MTUS1: variants seen among roughly 807,000 people sequenced by gnomAD.
MTUS1 encodes microtubule-associated tumor suppressor 1.
MTUS1 carries 109 observed loss-of-function variants against 120.8 expected under a neutral mutation model. That is an observed-to-expected ratio of 0.90 (90% CI 0.77 to 1.06). The LOEUF (loss-of-function observed/expected upper bound fraction) is 1.06, where lower values mean the gene tolerates loss of function less well. Among genes scored for constraint, MTUS1 ranks in the 50% least tolerant of loss-of-function variants. The pLI, the probability that MTUS1 is intolerant of heterozygous loss-of-function variation, is 0.00. For missense variants in MTUS1, 2,210 were observed against 1,486.3 expected (o/e 1.49, Z -8.01); for synonymous variants, 737 against 550.5 (o/e 1.34, Z -4.74).
At chr8:17,763,082 C>T (rs1171900622) in intron 1 of MTUS1, among the ~76,000 whole-genome samples, 1 of 151,920 alleles carries the variant, frequency 6.6e-6, no homozygotes, top group Admixed American at 6.6e-5. Flanking sequence ...ACCTCCCCCT[C>T]CCGTGTTCAA....
intron 1 of MTUS1, among the ~76,000 whole-genome samples, chr8:17,759,029 C>T (rs1176265256): frequency 6.6e-6 from 1 of 150,780 alleles, no homozygotes; most frequent in East Asian, 2.0e-4. Context: ...TTACAGGCGC[C>T]CGCCACCATG....
At chr8:17,675,559 T>C (rs569534858) in intron 7 of MTUS1, among the ~76,000 whole-genome samples, 2 of 152,348 alleles carry the variant, frequency 1.3e-5, no homozygotes, top group East Asian at 3.9e-4. Context: ...TTTCGGCTAA[T>C]GCATACTGTA....
Position 17,754,542 on chromosome 8 carries a change from T to G in MTUS1, c.1266A>C (p.Thr422=), listed in dbSNP as rs773023872. The change falls in exon 2 of 15, where the codon ACA becomes ACC. Residue 422 remains threonine, a synonymous_variant. Transcript: ENST00000693296. The part of the protein sequence containing the change: ...TWDANDMVIS[T]DKTMCMSTPV... ...GTGTTGACATGCACATCGTTTTGTC[T>G]GTGCTAATGACCATATCATTTGCAT... is the stretch of plus-strand genomic sequence containing the variant. 2.5e-6 allele frequency: 4 copies of G among 1,614,236 alleles called. No individual in the cohort carries two copies. The East Asian group carries it at 8.9e-5, about 36-fold the overall frequency.
Position 17,743,677 on chromosome 8 carries a change from C to G in MTUS1, c.2214G>C (p.Arg738=), listed in dbSNP as rs1331949307. The G allele has an allele frequency of 1.2e-5, 20 of 1,613,966 alleles. No individual in the cohort carries two copies. The highest frequency in any genetic ancestry group is 1.7e-5 in the Non-Finnish European group (20 of 1,180,024). The change falls in exon 3 of 15, where the codon CGG becomes CGC. Residue 738 remains arginine (R), a synonymous_variant. Coordinates refer to ENST00000693296, the MANE Select transcript of MTUS1 (RefSeq NM_001363059.2). ...KVGPPVSCLR[R]NSDNRNPSAD... The stretch of plus-strand genomic sequence containing the variant: ...CACTGGGATTTCTATTGTCACTGTT[C>G]CGCCTCAAACAGGAAACAGGGGGCC...
chr8:17,676,741 A>G lies in MTUS1; in HGVS notation c.2839-1489T>C, dbSNP rs1010134094. Among the ~76,000 whole-genome samples the G allele has an allele frequency of 4.6e-5, 7 of 152,276 alleles. No individual in the cohort carries two copies. The East Asian group carries it at 1.4e-3, about 29-fold the overall frequency. ...CTTCCCCTCTCTAATTGTGGTCATT[A>G]TTTGATCACACTTACTAATAGAAAA... On this transcript the variant is annotated intron_variant, in intron 7 of 14. Transcript: ENST00000693296.
intron 8 of MTUS1, among the ~76,000 whole-genome samples, chr8:17,668,325 A>G (rs1404117003): frequency 6.6e-6 from 1 of 152,176 alleles, no homozygotes; most frequent in Non-Finnish European, 1.5e-5. Flanking sequence ...AAGATTGGAC[A>G]CCCCTGATTT....
intron 4 of MTUS1, among the ~76,000 whole-genome samples, chr8:17,719,617 C>T (rs1823016768): frequency 2.6e-5 from 4 of 152,128 alleles, no homozygotes; most frequent in African/African-American, 9.7e-5. Context: ...CTTAGCCTCA[C>T]CCATGACAGA....
chr8:17,686,707 A>G (rs3862096), intron 6 of MTUS1, among the ~76,000 whole-genome samples: 1 of 151,962 alleles, frequency 6.6e-6, no homozygotes, highest in Non-Finnish European at 1.5e-5. Flanking sequence ...TTATATTAAT[A>G]TTTTGGAGAA....
At chr8:17,741,984 A>G (rs1282612281) in intron 3 of MTUS1, among the ~76,000 whole-genome samples, 1 of 152,124 alleles carries the variant, frequency 6.6e-6, no homozygotes, top group Non-Finnish European at 1.5e-5. Flanking sequence ...CAGGGGCCAC[A>G]CTCCAGTGCC....
At chr8:17,797,042 G>T (rs981851951) in intron 1 of MTUS1, among the ~76,000 whole-genome samples, 7 of 151,990 alleles carry the variant, frequency 4.6e-5, no homozygotes, top group Admixed American at 3.9e-4. Flanking sequence ...AACCTGAGAG[G>T]TGGGGGTTGC....
At chr8:17,710,751 G>A (rs568147741) in intron 6 of MTUS1, among the ~76,000 whole-genome samples, 1 of 152,182 alleles carries the variant, frequency 6.6e-6, no homozygotes, top group Admixed American at 6.5e-5. Context: ...CAGTATCTAG[G>A]GCAGCTACAG....
chr8:17,652,255 T>C (rs1807166750), intron 12 of MTUS1, among the ~76,000 whole-genome samples: 1 of 152,082 alleles, frequency 6.6e-6, no homozygotes, highest in African/African-American at 2.4e-5. Flanking sequence ...TTCCAAGAGA[T>C]TTGTACTTTT....
intron 6 of MTUS1, chr8:17,692,299 T>G (rs1350378147): frequency 1.3e-5 from 2 of 152,134 alleles, no homozygotes; most frequent in African/African-American, 4.8e-5. Context: ...GACGGAAGCT[T>G]AAGCGACCTG....
At chr8:17,696,623 C>T (rs1178524271) in intron 6 of MTUS1, among the ~76,000 whole-genome samples, 1 of 152,152 alleles carries the variant, frequency 6.6e-6, no homozygotes, top group Non-Finnish European at 1.5e-5. Flanking sequence ...AAAATATATA[C>T]TAAATTTATT....
chr8:17,751,617 T>C (rs966747409), intron 2 of MTUS1, among the ~76,000 whole-genome samples: 3 of 152,108 alleles, frequency 2.0e-5, no homozygotes, highest in Non-Finnish European at 4.4e-5. Flanking sequence ...CCCAGCACTT[T>C]GGGAGGCCGA....
chr8:17,761,888 C>A (rs1250311677), intron 1 of MTUS1, among the ~76,000 whole-genome samples: 3 of 152,202 alleles, frequency 2.0e-5, no homozygotes, highest in African/African-American at 7.2e-5. Context: ...GCTCTGTAAG[C>A]TTTAAAACCC....
At chr8:17,758,844 CAT>C (rs1330750761) in intron 1 of MTUS1, among the ~76,000 whole-genome samples, 2 of 152,168 alleles carry the variant, frequency 1.3e-5, no homozygotes, top group Admixed American at 6.5e-5. Flanking sequence ...TTTTAAACCT[CAT>C]ATAAATTGAA....
At chr8:17,726,712 G>C (rs1399975610) in intron 3 of MTUS1, among the ~76,000 whole-genome samples, 6 of 152,054 alleles carry the variant, frequency 3.9e-5, no homozygotes, top group Non-Finnish European at 8.8e-5. Context: ...TTTATGGTTA[G>C]CCACCAGTTT....
chr8:17,780,102 G>A (rs769193149), intron 1 of MTUS1, among the ~76,000 whole-genome samples: 2 of 152,138 alleles, frequency 1.3e-5, no homozygotes, highest in Non-Finnish European at 2.9e-5. Context: ...ACAAGAGGGA[G>A]TCAGTTCTTG....
Sources: gnomAD v4.1 joint callset for allele counts (sites outside exome capture counted in the v4.1 genomes callset) on GRCh38, gnomAD v4.1.1 for gene constraint, MANE v1.5 for transcripts, NCBI Gene and HGNC (gene_info 2026-07-23, HGNC 2026-07-21) for gene names.